PCNX2: variants seen among roughly 807,000 people sequenced by gnomAD.
PCNX2 encodes the protein pecanex-like protein 2.
PCNX2 carries 168 observed loss-of-function variants against 223.8 expected under a neutral mutation model. The ratio of observed to expected loss-of-function variants is 0.75; its 90% CI spans 0.66 to 0.85. The LOEUF (loss-of-function observed/expected upper bound fraction) is 0.85, where lower values mean the gene tolerates loss of function less well. PCNX2 is among the 40% of genes least tolerant of loss of function. The probability of loss-of-function intolerance (pLI) is 0.00; values close to 1 mark genes in which losing one functional copy is unlikely to be tolerated. For synonymous variants in PCNX2, 1,006 were observed against 1,052.6 expected, an observed-to-expected ratio of 0.96 and a Z score of 0.86; for missense variants, 2,507 against 2,675.5, an observed-to-expected ratio of 0.94 and a Z score of 1.39.
At chr1:233,180,053 G>T (rs147680313) in intron 15 of PCNX2, among the ~76,000 whole-genome samples, 1 of 152,142 alleles carries the variant, frequency 6.6e-6, no homozygotes, top group Non-Finnish European at 1.5e-5. Context: ...GCGTGCTCTC[G>T]CCATTGTTCC....
At chr1:233,285,260 G>A (rs1661391461) in intron 1 of PCNX2, among the ~76,000 whole-genome samples, 1 of 152,078 alleles carries the variant, frequency 6.6e-6, no homozygotes, top group African/African-American at 2.4e-5. Flanking sequence ...GCTGAGGTGG[G>A]AGGATCATAT....
chr1:232,986,013 C>T (rs1669461270), intron 33 of PCNX2, 79 bp downstream of exon 33: 2 of 1,476,798 alleles, frequency 1.4e-6, no homozygotes, highest in East Asian at 4.9e-5. Flanking sequence ...GGTGGGAACG[C>T]AAGGCAGGTG....
chr1:233,033,642 G>A (rs1483923916), intron 25 of PCNX2, among the ~76,000 whole-genome samples: 1 of 152,170 alleles, frequency 6.6e-6, no homozygotes, highest in Non-Finnish European at 1.5e-5. Flanking sequence ...GGTTTGCTGG[G>A]CTGTTTTAAT....
At chr1:233,089,556 A>G (rs903688999) in intron 23 of PCNX2, among the ~76,000 whole-genome samples, 1 of 152,244 alleles carries the variant, frequency 6.6e-6, no homozygotes, top group Non-Finnish European at 1.5e-5. Flanking sequence ...TAGTGAAGAA[A>G]AGGTGAAGAA....
rs372082698 is a variant in PCNX2 at position 233,177,980 on chromosome 1, C to A, written c.3177-82G>T. ...GTAAATAACTTCACCTTAGATCTCA[C>A]ACCCACACATGACAAAAACAAGTGC... On this transcript the variant is annotated intron_variant, in intron 16 of 33. Transcript: ENST00000258229. 4.8e-5 allele frequency: 50 copies of A among 1,041,020 alleles called. No individual in the cohort carries two copies. The African/African-American group carries it at 6.8e-4, about 14-fold the overall frequency. 64.5% of individuals were successfully genotyped at this position (1,041,020 alleles called of 1,614,324 possible). A position where few individuals can be genotyped will look rare whatever the true frequency, so the allele number is the denominator to read the frequency against.
chr1:233,088,821 A>G (rs1673731672), intron 23 of PCNX2, among the ~76,000 whole-genome samples: 1 of 152,220 alleles, frequency 6.6e-6, no homozygotes, highest in South Asian at 2.1e-4. Flanking sequence ...GAGCAGTCAG[A>G]GAATAATCAT....
chr1:233,177,769 C>G (rs1210951779), intron 17 of PCNX2, 33 bp downstream of exon 17: 1 of 1,564,574 alleles, frequency 6.4e-7, no homozygotes, highest in East Asian at 2.2e-5. Context: ...ATGAGGCCCT[C>G]CTATGCTACA....
the PCNX2 span, among the ~76,000 whole-genome samples, chr1:233,304,735 A>T: frequency 6.6e-6 from 1 of 152,178 alleles, no homozygotes; most frequent in Non-Finnish European, 1.5e-5. Flanking sequence ...AAAATACGTT[A>T]TTGGTATTGC....
chr1:233,212,714 T>C (rs1289437119), intron 12 of PCNX2, among the ~76,000 whole-genome samples: 1 of 152,230 alleles, frequency 6.6e-6, no homozygotes, highest in Non-Finnish European at 1.5e-5. Context: ...CTGCCTTTAA[T>C]CAATGGTAGA....
At chr1:233,248,835 C>T (rs1659283108) in intron 8 of PCNX2, among the ~76,000 whole-genome samples, 1 of 152,186 alleles carries the variant, frequency 6.6e-6, no homozygotes, top group South Asian at 2.1e-4. Context: ...CCTCTCAGTC[C>T]ATCACCCGCG....
chr1:233,283,709 C>G (rs897339431), intron 1 of PCNX2, among the ~76,000 whole-genome samples: 8 of 152,196 alleles, frequency 5.3e-5, no homozygotes, highest in Admixed American at 2.0e-4. Flanking sequence ...AAAAACTCTT[C>G]TTTACAGAAT....
At chr1:233,321,519 A>C in the PCNX2 span, among the ~76,000 whole-genome samples, 1 of 152,082 alleles carries the variant, frequency 6.6e-6, no homozygotes, top group Non-Finnish European at 1.5e-5. Context: ...GCTGGTCTGG[A>C]ACTTCTGACC....
At chr1:233,224,700 T>C (rs1487302796) in intron 10 of PCNX2, among the ~76,000 whole-genome samples, 1 of 152,158 alleles carries the variant, frequency 6.6e-6, no homozygotes. Context: ...CACTGTGAGC[T>C]GTGAGTTCAT....
Position 233,177,873 on chromosome 1 carries a change from G to C in PCNX2, c.3202C>G (p.Pro1068Ala). 1.9e-6 allele frequency: 3 copies of C among 1,613,854 alleles called. No homozygotes were observed. The highest frequency in any genetic ancestry group is 2.5e-6 in the Non-Finnish European group (3 of 1,179,804). Residue 1068 changes from proline to alanine, a missense_variant, in exon 17 of 34, where the codon CCT becomes GCT. By Grantham distance (27) the Pro-to-Ala change is conservative. Around this residue, in one of 3 missense-constraint regions of PCNX2, gnomAD observed 1,372 missense variants for 1,509.4 expected, o/e 0.91. Coordinates refer to ENST00000258229, the MANE Select transcript of PCNX2 (RefSeq NM_014801.4). ...LMSFIQCRLF[P>A]KFLHQNLAES... ...GCCAGATTTTGATGTAAAAATTTAG[G>C]AAACAGCCTGCATTGGATGAAGGAC...
chr1:233,048,164 G>T (rs1348673718), intron 25 of PCNX2, among the ~76,000 whole-genome samples: 2 of 152,110 alleles, frequency 1.3e-5, no homozygotes, highest in Admixed American at 1.3e-4. Context: ...CCTTTTAAAT[G>T]AATAAAAACA....
chr1:233,012,067 T>C (rs1670487332), intron 28 of PCNX2, among the ~76,000 whole-genome samples: 1 of 152,104 alleles, frequency 6.6e-6, no homozygotes, highest in African/African-American at 2.4e-5. Context: ...AAGTGGTGCT[T>C]GCTTGCAGGA....
rs533121729 is a variant in PCNX2 at position 233,295,479 on chromosome 1, G to A, written c.-1C>T. 1 of 1,547,194 alleles carries A rather than the reference G, an allele frequency of 6.5e-7. No homozygotes were observed. The highest frequency in any genetic ancestry group is 1.4e-5 in the African/African-American group (1 of 73,026). On this transcript the variant is annotated 5_prime_UTR_variant, in exon 1 of 34. Coordinates refer to ENST00000258229, the MANE Select transcript of PCNX2 (RefSeq NM_014801.4). The surrounding 1 kb of genome is among the most constrained non-coding windows in gnomAD (Gnocchi z 4.1). ...GCAGCTGCAGCACCTGGGACACCAT[G>A]CCGGCTGCGCCCCGGGGCTGGTGAG...
At chr1:233,063,711 A>G (rs1335471421) in intron 23 of PCNX2, among the ~76,000 whole-genome samples, 1 of 152,158 alleles carries the variant, frequency 6.6e-6, no homozygotes, top group Admixed American at 6.5e-5. Flanking sequence ...TTTTCTCTTA[A>G]AACTGTGCTT....
rs1671520183 is a variant in PCNX2, at chr1:233,038,101, T to C, written c.4352-12702A>G. Among the ~76,000 whole-genome samples, 2 of 152,224 alleles carry C rather than the reference T, an allele frequency of 1.3e-5. 1 individual carries two copies. The highest frequency in any genetic ancestry group is 4.1e-4 in the South Asian group (2 of 4,838). ...TCAGTATTCTTCTTTTATCACACACTGTCTAATGAGGCTTGACAAATTACA... is the reference window on the plus strand; with the variant it reads ...TCAGTATTCTTCTTTTATCACACACCGTCTAATGAGGCTTGACAAATTACA... On this transcript the variant is annotated intron_variant, in intron 25 of 33. Transcript: ENST00000258229.
Sources: allele counts gnomAD v4.1 joint callset (sites outside exome capture counted in the v4.1 genomes callset), GRCh38; gene constraint gnomAD v4.1.1; regional missense constraint gnomAD v4.1.1; non-coding constraint Gnocchi (gnomAD v3.1); transcripts MANE v1.5; gene names NCBI Gene and HGNC (gene_info 2026-07-23, HGNC 2026-07-21).